The following TENM2 variants were observed in gnomAD, a reference collection of about 807,000 sequenced individuals.
TENM2 encodes the protein teneurin transmembrane protein 2.
In TENM2, 52 loss-of-function variants were observed where a neutral mutation model predicts 245.2. The observed-to-expected ratio is 0.21, with a 90% CI of 0.17 to 0.27. The LOEUF (loss-of-function observed/expected upper bound fraction) is 0.27, where lower values mean the gene tolerates loss of function less well. Ranked by LOEUF, TENM2 falls within the 10% of genes least tolerant of loss-of-function variation. The pLI, the probability that TENM2 is intolerant of heterozygous loss-of-function variation, is 1.00. For synonymous variants in TENM2, 1,363 were observed against 1,438.9 expected (o/e 0.95, Z 1.19); for missense variants, 3,046 against 3,666.8 (o/e 0.83, Z 4.37).
chr5:168,193,527 C>T (rs1485826410), intron 14 of TENM2, among the ~76,000 whole-genome samples: 2 of 152,128 alleles, frequency 1.3e-5, no homozygotes, highest in Non-Finnish European at 2.9e-5. Context: ...CGATAGGAAG[C>T]CAGCAGCAAG....
the TENM2 span, among the ~76,000 whole-genome samples, chr5:167,177,338 C>A: frequency 6.6e-6 from 1 of 152,158 alleles, no homozygotes; most frequent in African/African-American, 2.4e-5. Flanking sequence ...ATATCCAAAA[C>A]TTCCTCTTTA....
chr5:167,435,967 TTTTTTTTC>T (rs1178804162), intron 2 of TENM2, among the ~76,000 whole-genome samples: 3 of 139,786 alleles, frequency 2.1e-5, no homozygotes, highest in African/African-American at 5.7e-5. Context: ...TTCTTTTTCT[TTTTTTTTC>T]TTTTTTTTTT....
At chr5:167,705,964 G>GTT (rs1224448889) in intron 2 of TENM2, among the ~76,000 whole-genome samples, 12 of 79,330 alleles carry the variant, frequency 1.5e-4, no homozygotes, top group Non-Finnish European at 2.6e-4. Flanking sequence ...TCAAGGCTGG[G>GTT]TTATATATAT....
chr5:168,014,156 C>A (rs1011160071), intron 5 of TENM2, among the ~76,000 whole-genome samples: 1 of 152,062 alleles, frequency 6.6e-6, no homozygotes. Flanking sequence ...TCAGCTTATT[C>A]GTAATACAAG....
At chr5:167,946,342 G>GC (rs1407591073) in intron 3 of TENM2, among the ~76,000 whole-genome samples, 1 of 128,324 alleles carries the variant, frequency 7.8e-6, no homozygotes, top group African/African-American at 3.6e-5. Flanking sequence ...TCCTCATGCT[G>GC]CCCCTCACGC....
At chr5:168,195,403 T>TTCCA in intron 15 of TENM2, 108 bp downstream of exon 17, 1 of 1,284,884 alleles carries the variant, frequency 7.8e-7, no homozygotes, top group Non-Finnish European at 1.1e-6. Context: ...TGGACTGGAA[T>TTCCA]GTCCACCAGG....
At chr5:167,319,774 C>T (rs960943283) in intron 1 of TENM2, among the ~76,000 whole-genome samples, 1 of 152,212 alleles carries the variant, frequency 6.6e-6, no homozygotes, top group Non-Finnish European at 1.5e-5. Flanking sequence ...AATAGAATTA[C>T]TTCAGTGTCA....
At chr5:167,998,867 C>G (rs1368054643) in intron 5 of TENM2, among the ~76,000 whole-genome samples, 2 of 152,142 alleles carry the variant, frequency 1.3e-5, no homozygotes, top group Non-Finnish European at 2.9e-5. Context: ...GGGGTGCTTT[C>G]AGTTTCTTTT....
At chr5:167,123,414 T>C in the TENM2 span, among the ~76,000 whole-genome samples, 1 of 152,334 alleles carries the variant, frequency 6.6e-6, no homozygotes, top group Non-Finnish European at 1.5e-5. Context: ...TTTGAGTCTT[T>C]TGTTTGCTAC....
intron 1 of TENM2, among the ~76,000 whole-genome samples, chr5:167,358,849 A>G (rs1375077739): frequency 1.8e-5 from 2 of 108,278 alleles, no homozygotes; most frequent in African/African-American, 6.8e-5. Flanking sequence ...ACACACACAC[A>G]CACCCTGCTG....
intron 1 of TENM2, among the ~76,000 whole-genome samples, chr5:167,352,544 T>C (rs1758985930): frequency 6.6e-6 from 1 of 152,210 alleles, no homozygotes. Flanking sequence ...CAATAATTGT[T>C]CTCCCCCATT....
At chr5:167,439,418 A>G (rs560913237) in intron 2 of TENM2, among the ~76,000 whole-genome samples, 2 of 152,272 alleles carry the variant, frequency 1.3e-5, no homozygotes, top group East Asian at 3.9e-4. Context: ...TCAGTGGTGT[A>G]AACATCTCAA....
At chr5:167,840,590 A>T (rs1769416774) in intron 2 of TENM2, among the ~76,000 whole-genome samples, 1 of 151,988 alleles carries the variant, frequency 6.6e-6, no homozygotes, top group Non-Finnish European at 1.5e-5. Flanking sequence ...AAATCAGCAA[A>T]CCGTCTAGAA....
chr5:167,180,578 T>C, the TENM2 span, among the ~76,000 whole-genome samples: 1 of 152,130 alleles, frequency 6.6e-6, no homozygotes, highest in African/African-American at 2.4e-5. Context: ...AGAATCTGTG[T>C]ATGACTTTTG....
chr5:167,425,459 A>G (rs1465663969), intron 2 of TENM2, among the ~76,000 whole-genome samples: 3 of 152,132 alleles, frequency 2.0e-5, no homozygotes, highest in African/African-American at 7.2e-5. Context: ...AGGGCTTACT[A>G]TGTGCCAGGT....
At chr5:167,350,435 G>GTT (rs1270017439) in intron 1 of TENM2, among the ~76,000 whole-genome samples, 4 of 150,048 alleles carry the variant, frequency 2.7e-5, no homozygotes, top group African/African-American at 9.8e-5. Context: ...GTGTGTGTGT[G>GTT]TGTGTGTGTG....
At chr5:167,357,308 T>TA (rs1169939026) in intron 1 of TENM2, among the ~76,000 whole-genome samples, 1 of 151,020 alleles carries the variant, frequency 6.6e-6, no homozygotes, top group Non-Finnish European at 1.5e-5. Flanking sequence ...TTCTTTTTTT[T>TA]TTTTTTTCTT....
At chr5:167,975,236 C>T (rs1244014099) in intron 4 of TENM2, among the ~76,000 whole-genome samples, 1 of 152,188 alleles carries the variant, frequency 6.6e-6, no homozygotes, top group African/African-American at 2.4e-5. Flanking sequence ...TGACAGTTTT[C>T]CTTGACACTT....
chr5:167,191,786 A>AT, the TENM2 span, among the ~76,000 whole-genome samples: 1 of 151,936 alleles, frequency 6.6e-6, no homozygotes, highest in African/African-American at 2.4e-5. Context: ...CAGGTAGGCA[A>AT]TTTTTTTAGG....
Sources: allele counts gnomAD v4.1 joint callset (sites outside exome capture counted in the v4.1 genomes callset), GRCh38; gene constraint gnomAD v4.1.1; transcripts MANE v1.5; gene names NCBI Gene and HGNC (gene_info 2026-07-23, HGNC 2026-07-21).